The following FBXL17 variants were observed in gnomAD, a reference collection of about 807,000 sequenced individuals.
The protein encoded by FBXL17 is F-box/LRR-repeat protein 17.
FBXL17 carries 22 observed loss-of-function variants against 66.2 expected under a neutral mutation model. The observed-to-expected ratio is 0.33, with a 90% confidence interval of 0.24 to 0.47. The LOEUF (loss-of-function observed/expected upper bound fraction) is 0.47. FBXL17 is among the 20% of genes least tolerant of loss of function. The probability of loss-of-function intolerance (pLI) is 1.00; values close to 1 mark genes in which losing one functional copy is unlikely to be tolerated. For missense variants in FBXL17, 878 were observed against 948.2 expected (o/e 0.93, Z 0.97); for synonymous variants, 474 against 400.5 (o/e 1.18, Z -2.19).
At chr5:107,941,515 C>T (rs1253588146) in intron 7 of FBXL17, among the ~76,000 whole-genome samples, 2 of 152,152 alleles carry the variant, frequency 1.3e-5, no homozygotes, top group Non-Finnish European at 2.9e-5. Flanking sequence ...CACTAGGGAC[C>T]TGGCTGCAAG....
intron 6 of FBXL17, among the ~76,000 whole-genome samples, chr5:108,183,035 T>C (rs1043016690): frequency 8.3e-5 from 1 of 11,982 alleles, no homozygotes; most frequent in Non-Finnish European, 1.4e-4. Flanking sequence ...CAGTTTTCTA[T>C]TTTTTTTTTT....
intron 6 of FBXL17, among the ~76,000 whole-genome samples, chr5:108,054,663 A>G (rs1420346696): frequency 6.6e-6 from 1 of 152,122 alleles, no homozygotes; most frequent in Non-Finnish European, 1.5e-5. Context: ...TAGAGTGGTT[A>G]TTATCTAAAA....
chr5:108,036,835 T>C (rs768690774), intron 6 of FBXL17, among the ~76,000 whole-genome samples: 2 of 152,202 alleles, frequency 1.3e-5, no homozygotes, highest in Non-Finnish European at 2.9e-5. Context: ...ATACTTAGCA[T>C]TTGAATAATT....
rs150947513 is a variant in FBXL17 at position 108,377,736 on chromosome 5, T to C, written c.993+2963A>G. ...CTCTTCATGCAGCCACAGGTGAAAG[T>C]ACATTTCTTGCGGATATTTTTATGC... On this transcript the variant is annotated intron_variant, in intron 1 of 8. Coordinates refer to ENST00000542267, the MANE Select transcript of FBXL17 (RefSeq NM_001163315.3). 2.8e-3 allele frequency among the ~76,000 whole-genome samples: 421 copies of C among 152,370 alleles called. 2 individuals are homozygous for C. Among genetic ancestry groups the C allele is most frequent in the Admixed American group, 6.8e-3 (104 of 15,306 alleles).
intron 6 of FBXL17, among the ~76,000 whole-genome samples, chr5:108,163,526 G>A (rs771385897): frequency 6.8e-6 from 1 of 148,088 alleles, no homozygotes; most frequent in East Asian, 2.1e-4. Context: ...TCAGCCTCCC[G>A]AGTAGCGGGG....
At chr5:108,236,386 G>T (rs34821395) in intron 4 of FBXL17, among the ~76,000 whole-genome samples, 1 of 151,620 alleles carries the variant, frequency 6.6e-6, no homozygotes, top group Non-Finnish European at 1.5e-5. Context: ...GGTGGCAGGC[G>T]CCTGTAATCC....
At chr5:107,968,015 C>T (rs183007971) in intron 7 of FBXL17, among the ~76,000 whole-genome samples, 5 of 152,028 alleles carry the variant, frequency 3.3e-5, no homozygotes, top group Admixed American at 1.3e-4. Flanking sequence ...TAAGGTATAA[C>T]GGACAAAACT....
At chr5:108,006,776 A>G (rs1417201717) in intron 7 of FBXL17, among the ~76,000 whole-genome samples, 1 of 152,186 alleles carries the variant, frequency 6.6e-6, no homozygotes, top group Non-Finnish European at 1.5e-5. Flanking sequence ...AACAACCCCA[A>G]AGTTCAACTT....
intron 6 of FBXL17, among the ~76,000 whole-genome samples, chr5:108,085,048 T>G (rs2149923183): frequency 6.6e-6 from 1 of 152,346 alleles, no homozygotes; most frequent in South Asian, 2.1e-4. Context: ...CTTTTTTTCC[T>G]CATTATCTTC....
At chr5:107,887,461 A>G (rs1198224085) in intron 7 of FBXL17, among the ~76,000 whole-genome samples, 1 of 152,202 alleles carries the variant, frequency 6.6e-6, no homozygotes, top group Non-Finnish European at 1.5e-5. Context: ...TGTACCTGTA[A>G]TAAAATCAGA....
intron 6 of FBXL17, among the ~76,000 whole-genome samples, chr5:108,175,006 A>C (rs140896576): frequency 3.8e-4 from 58 of 152,324 alleles, no homozygotes; most frequent in African/African-American, 1.2e-3. Context: ...AATGACATTA[A>C]ATTTTCACTT....
chr5:108,225,347 CCCTCACTA>C (rs1755056251), intron 4 of FBXL17, among the ~76,000 whole-genome samples: 2 of 152,114 alleles, frequency 1.3e-5, no homozygotes, highest in South Asian at 2.1e-4. Flanking sequence ...GAAATCTTAA[CCCTCACTA>C]CCTCAGAATG....
rs564400709 is a variant in FBXL17 at position 108,378,284 on chromosome 5, C to G, written c.993+2415G>C. Reference sequence around the variant, plus strand: ...AAAAAACATCCTTTAAATTCTTAAACATCCTCACATTTCTCTCCCAAATTC... The same window carrying G: ...AAAAAACATCCTTTAAATTCTTAAAGATCCTCACATTTCTCTCCCAAATTC... On this transcript the variant is annotated intron_variant, in intron 1 of 8. Transcript: ENST00000542267. Among the ~76,000 whole-genome samples the G allele has an allele frequency of 8.7e-5, 13 of 150,218 alleles. No individual in the cohort carries two copies. In the South Asian group the frequency reaches 2.7e-3, roughly 31 times the overall value.
chr5:108,244,774 G>C lies in FBXL17; in HGVS notation c.1507-20546C>G, dbSNP rs146368798. Among the ~76,000 whole-genome samples the C allele has an allele frequency of 2.5e-4, 38 of 152,180 alleles. No homozygotes were observed. In the East Asian group the frequency reaches 6.9e-3, roughly 28 times the overall value. The stretch of plus-strand genomic sequence containing the variant: ...CATGAGGCTGAAGTTATACATCAGG[G>C]GGAAAAAGTGCAAGTTAAACAAAAC... On this transcript the variant is annotated intron_variant, in intron 4 of 8. Coordinates refer to ENST00000542267, the MANE Select transcript of FBXL17 (RefSeq NM_001163315.3).
At position 108,098,154 on chromosome 5, in the gene FBXL17, T is replaced by A. The variant is rs535348572; in HGVS notation, c.1746-77153A>T. 2.0e-5 allele frequency among the ~76,000 whole-genome samples: 3 copies of A among 152,282 alleles called. No homozygotes were observed. The East Asian group carries it at 5.8e-4, about 29-fold the overall frequency. ...TTCAATAAATATCTGATGATCATCT[T>A]CTAAAAAAAAACAGAAATCTAATCT... On this transcript the variant is annotated intron_variant, in intron 6 of 8. Transcript: ENST00000542267.
intron 6 of FBXL17, among the ~76,000 whole-genome samples, chr5:108,053,491 G>C (rs1747564010): frequency 6.6e-6 from 1 of 151,812 alleles, no homozygotes; most frequent in Admixed American, 6.6e-5. Flanking sequence ...AACAGAGTGA[G>C]ACTCCATCTC....
At chr5:107,889,844 G>A (rs1471993953) in intron 7 of FBXL17, among the ~76,000 whole-genome samples, 2 of 152,108 alleles carry the variant, frequency 1.3e-5, no homozygotes, top group African/African-American at 2.4e-5. Context: ...ATTTGATTGA[G>A]TATGTAGAAA....
At chr5:107,883,889 G>T (rs1251644035) in intron 7 of FBXL17, among the ~76,000 whole-genome samples, 1 of 152,154 alleles carries the variant, frequency 6.6e-6, no homozygotes, top group African/African-American at 2.4e-5. Context: ...GATGAGTAAT[G>T]GTTTTCCAGA....
At chr5:107,949,209 A>G (rs1365633786) in intron 7 of FBXL17, among the ~76,000 whole-genome samples, 12 of 152,020 alleles carry the variant, frequency 7.9e-5, no homozygotes, top group Non-Finnish European at 1.6e-4. Flanking sequence ...AAAGAAAGAA[A>G]TCTTAGACCA....
Sources: allele counts gnomAD v4.1 joint callset (sites outside exome capture counted in the v4.1 genomes callset), GRCh38; gene constraint gnomAD v4.1.1; transcripts MANE v1.5; gene names NCBI Gene and HGNC (gene_info 2026-07-23, HGNC 2026-07-21).